Variants in ERC2 observed in about 807,000 individuals in gnomAD.
ERC2 encodes the protein ERC protein 2.
A neutral mutation model predicts 114.8 loss-of-function variants in ERC2; 42 were observed. The ratio of observed to expected loss-of-function variants is 0.37; its 90% CI spans 0.29 to 0.47. The LOEUF (loss-of-function observed/expected upper bound fraction) is 0.47. Ranked by LOEUF, ERC2 falls within the 20% of genes least tolerant of loss-of-function variation. The pLI, the probability that ERC2 is intolerant of heterozygous loss-of-function variation, is 0.99. For missense variants in ERC2, 939 were observed against 1,150.7 expected (o/e 0.82, Z 2.66); for synonymous variants, 454 against 425.5 (o/e 1.07, Z -0.82).
At chr3:56,287,911 T>A (rs1444404739) in intron 3 of ERC2, among the ~76,000 whole-genome samples, 1 of 152,226 alleles carries the variant, frequency 6.6e-6, no homozygotes, top group African/African-American at 2.4e-5. Flanking sequence ...GGGAAGTGAC[T>A]GGCACAGGCT....
chr3:55,744,425 A>G lies in ERC2; in HGVS notation c.2565-9507T>C, dbSNP rs2148948974. Among the ~76,000 whole-genome samples, 2 of 152,168 alleles carry G rather than the reference A, an allele frequency of 1.3e-5. 1 individual carries two copies. The highest frequency in any genetic ancestry group is 4.2e-4 in the South Asian group (2 of 4,818). On this transcript the variant is annotated intron_variant, in intron 14 of 17. Coordinates refer to ENST00000288221, the MANE Select transcript of ERC2 (RefSeq NM_015576.3). ...AACTCCATCTCAAAAACAAAAACAA[A>G]TATGAAAAAAACAAAAAGCAAAACA...
intron 1 of ERC2, among the ~76,000 whole-genome samples, chr3:56,437,025 C>G (rs531020398): frequency 1.3e-5 from 2 of 152,310 alleles, no homozygotes; most frequent in South Asian, 4.1e-4. Context: ...CAATCCTTTA[C>G]TCCTTTTTTT....
Position 56,132,825 on chromosome 3 carries a change from A to G in ERC2, c.1473+6684T>C, listed in dbSNP as rs1455887126. ...TATGTGTATGTATGTGTATGTTTGT[A>G]TATATATAAACGTCTTTAAACATAT... On this transcript the variant is annotated intron_variant, in intron 6 of 17. Transcript: ENST00000288221. 3.3e-5 allele frequency among the ~76,000 whole-genome samples: 5 copies of G among 152,220 alleles called. No homozygotes were observed. In the South Asian group the frequency reaches 8.3e-4, roughly 25 times the overall value.
chr3:55,875,726 T>A (rs62256775), intron 14 of ERC2, among the ~76,000 whole-genome samples: 4,685 of 117,946 alleles, frequency 0.04, 186 homozygotes, highest in African/African-American at 0.13. Flanking sequence ...ACACACACAC[T>A]CTCTCTCTCT....
intron 3 of ERC2, among the ~76,000 whole-genome samples, chr3:56,188,426 C>T (rs1016903074): frequency 1.3e-5 from 2 of 152,164 alleles, no homozygotes; most frequent in African/African-American, 2.4e-5. Flanking sequence ...GAATCAACAG[C>T]GTGTTCCCTA....
At chr3:56,230,801 A>G (rs73080560) in intron 3 of ERC2, among the ~76,000 whole-genome samples, 45,291 of 152,176 alleles carry the variant, frequency 0.3, 8,428 homozygotes, top group Middle Eastern at 0.42. Context: ...TCAAAAAATG[A>G]AAACAGTATA....
chr3:56,313,690 C>T (rs947557123), intron 2 of ERC2, among the ~76,000 whole-genome samples: 2 of 152,162 alleles, frequency 1.3e-5, no homozygotes, highest in African/African-American at 4.8e-5. Flanking sequence ...GGACTCCCTG[C>T]TCCAAATTGA....
At chr3:56,464,064 A>T (rs184828963) in intron 1 of ERC2, among the ~76,000 whole-genome samples, 4 of 152,364 alleles carry the variant, frequency 2.6e-5, no homozygotes, top group African/African-American at 9.6e-5. Context: ...CCAGGTTTAT[A>T]TGTCACGCAG....
chr3:56,396,634 G>T (rs2060316502), intron 2 of ERC2, among the ~76,000 whole-genome samples: 1 of 152,146 alleles, frequency 6.6e-6, no homozygotes, highest in South Asian at 2.1e-4. Flanking sequence ...AGAGTGATGG[G>T]ATTTCCATTT....
At chr3:56,184,900 T>C (rs1334673313) in intron 3 of ERC2, among the ~76,000 whole-genome samples, 1 of 152,124 alleles carries the variant, frequency 6.6e-6, no homozygotes, top group Admixed American at 6.6e-5. Context: ...ATGTGGGTGA[T>C]TAATCTTCAA....
At position 55,699,531 on chromosome 3, in the gene ERC2, A is replaced by C. The variant is rs1257882465; in HGVS notation, c.2713-19T>G. On this transcript the variant is annotated intron_variant, in intron 15 of 17. Transcript: ENST00000288221. The stretch of plus-strand genomic sequence containing the variant: ...TCTGGGTCTGTGCAGAACAAAAACC[A>C]AGGAAGATTCCATCAGGAGCCAGAA... 3 of 1,585,726 alleles carry C rather than the reference A, an allele frequency of 1.9e-6. No homozygotes were observed. The highest frequency in any genetic ancestry group is 1.7e-6 in the Non-Finnish European group (2 of 1,160,220).
At chr3:56,284,975 T>C (rs1373480682) in intron 3 of ERC2, among the ~76,000 whole-genome samples, 3 of 149,848 alleles carry the variant, frequency 2.0e-5, no homozygotes, top group Non-Finnish European at 4.4e-5. Context: ...TCTCTATCAA[T>C]CTCAATCACT....
chr3:56,411,422 G>A (rs772226454), intron 2 of ERC2, among the ~76,000 whole-genome samples: 4 of 151,704 alleles, frequency 2.6e-5, no homozygotes, highest in Admixed American at 6.6e-5. Context: ...GTTTCAGCAC[G>A]CCGGAAAGTA....
chr3:55,777,704 C>A (rs183924025), intron 14 of ERC2, among the ~76,000 whole-genome samples: 1 of 152,312 alleles, frequency 6.6e-6, no homozygotes, highest in African/African-American at 2.4e-5. Flanking sequence ...CCCTAACCGA[C>A]AAATAATGCT....
At chr3:55,968,798 G>A (rs2068939526) in intron 12 of ERC2, among the ~76,000 whole-genome samples, 1 of 152,030 alleles carries the variant, frequency 6.6e-6, no homozygotes, top group Admixed American at 6.6e-5. Context: ...GTGCATTCCT[G>A]GTACAAATAA....
intron 6 of ERC2, 58 bp downstream of exon 6, chr3:56,139,451 G>T: frequency 6.5e-7 from 1 of 1,539,710 alleles, no homozygotes; most frequent in South Asian, 1.2e-5. Context: ...TGTTCAGGTA[G>T]GGCAATTTCT....
rs148075468 is a variant in ERC2 at position 55,525,079 on chromosome 3, C to T, written c.*40-13803G>A. ...GTTTATCCTCAGTCCTGACCAAACCCTGGCACACTAACAATTTCTAAAGCA... is the reference window on the plus strand; with the variant it reads ...GTTTATCCTCAGTCCTGACCAAACCTTGGCACACTAACAATTTCTAAAGCA... On this transcript the variant is annotated intron_variant, in intron 17 of 17. Coordinates refer to ENST00000288221, the MANE Select transcript of ERC2 (RefSeq NM_015576.3). Among the ~76,000 whole-genome samples the T allele has an allele frequency of 1.3e-3, 194 of 152,314 alleles. 1 individual carries two copies. Among genetic ancestry groups the T allele is most frequent in the African/African-American group, 4.5e-3 (185 of 41,568 alleles).
At chr3:56,255,196 TG>T (rs1330688358) in intron 3 of ERC2, among the ~76,000 whole-genome samples, 1 of 152,170 alleles carries the variant, frequency 6.6e-6, no homozygotes, top group African/African-American at 2.4e-5. Context: ...ACTGGGAAAG[TG>T]GCCTCTGGGG....
At chr3:55,747,096 T>C (rs2066357522) in intron 14 of ERC2, among the ~76,000 whole-genome samples, 1 of 152,212 alleles carries the variant, frequency 6.6e-6, no homozygotes, top group African/African-American at 2.4e-5. Flanking sequence ...GAAAGAATGC[T>C]TATTTAAAAA....
Sources: allele counts gnomAD v4.1 joint callset (sites outside exome capture counted in the v4.1 genomes callset), GRCh38; gene constraint gnomAD v4.1.1; transcripts MANE v1.5; gene names NCBI Gene and HGNC (gene_info 2026-07-23, HGNC 2026-07-21).